Variants in MAP4K4 observed in about 807,000 individuals in gnomAD.
MAP4K4 encodes the protein mitogen-activated protein kinase kinase kinase kinase 4, also known as HPK/GCK-like kinase HGK.
Under a neutral mutation model 189.6 loss-of-function variants are expected in MAP4K4, and 38 were observed. The observed-to-expected ratio is 0.20, with a 90% CI of 0.15 to 0.26. The LOEUF (loss-of-function observed/expected upper bound fraction) is 0.26, where lower values mean the gene tolerates loss of function less well. Ranked by LOEUF, MAP4K4 falls within the 10% of genes least tolerant of loss-of-function variation. MAP4K4 has a pLI of 1.00. For missense variants in MAP4K4, 1,054 were observed against 1,726.9 expected, an observed-to-expected ratio of 0.61 and a Z score of 6.91; for synonymous variants, 610 against 624.3, an observed-to-expected ratio of 0.98 and a Z score of 0.34.
In MAP4K4 at chr2:101,824,067, T is replaced by G. The variant is rs913025406; in HGVS notation, c.306+14T>G. ...GACCAACTCTGGGTAGGTGGATGTT[T>G]CCTGAGCATTTGTGGGCATTCCATT... On this transcript the variant is annotated intron_variant, in intron 4 of 32. Transcript: ENST00000324219. 2.1e-6 allele frequency: 3 copies of G among 1,410,194 alleles called. No homozygotes were observed. In the African/African-American group the frequency reaches 4.6e-5, roughly 22 times the overall value. The allele number at this position is 1,410,194 out of a possible 1,614,324, so 87.4% of individuals were successfully genotyped here.
At chr2:101,783,209 A>G (rs2088668905) in intron 2 of MAP4K4, among the ~76,000 whole-genome samples, 1 of 102,434 alleles carries the variant, frequency 9.8e-6, no homozygotes, top group African/African-American at 1.6e-4. Context: ...TAAAATCACC[A>G]TTTTGTTGAA....
chr2:101,877,838 C>T (rs1181423582), intron 27 of MAP4K4, among the ~76,000 whole-genome samples: 1 of 152,146 alleles, frequency 6.6e-6, no homozygotes. Flanking sequence ...CAAGCTCCGT[C>T]TCCCAGGTTC....
chr2:101,762,551 G>A (rs1453594208), intron 2 of MAP4K4, among the ~76,000 whole-genome samples: 1 of 152,212 alleles, frequency 6.6e-6, no homozygotes, highest in Admixed American at 6.5e-5. Context: ...ACCATCTGCT[G>A]AGTTGTCAGC....
intron 16 of MAP4K4, among the ~76,000 whole-genome samples, chr2:101,863,516 C>G (rs72991235): frequency 4.0e-4 from 61 of 152,218 alleles, no homozygotes; most frequent in African/African-American, 1.3e-3. Context: ...CCTTTGGGCT[C>G]TGAGAGCCTC....
chr2:101,784,868 T>C (rs192390391), intron 2 of MAP4K4, among the ~76,000 whole-genome samples: 1 of 152,328 alleles, frequency 6.6e-6, no homozygotes, highest in East Asian at 1.9e-4. Context: ...GGTGTGACTC[T>C]TGAGCTTGTT....
chr2:101,728,354 A>G (rs1224322043), intron 2 of MAP4K4, among the ~76,000 whole-genome samples: 3 of 152,170 alleles, frequency 2.0e-5, no homozygotes. Flanking sequence ...TGCTGAGGCT[A>G]CTTACTGGTC....
chr2:101,882,776 T>C (rs1192497573), intron 28 of MAP4K4, 91 bp downstream of exon 28: 3 of 1,296,492 alleles, frequency 2.3e-6, no homozygotes, highest in Non-Finnish European at 3.2e-6. Flanking sequence ...TTTTGAAGTT[T>C]GTAATAATAA....
chr2:101,806,494 G>C (rs146925901), intron 3 of MAP4K4, among the ~76,000 whole-genome samples: 1,607 of 151,224 alleles, frequency 0.011, 37 homozygotes, highest in African/African-American at 0.037. Context: ...TTCTGCCTCA[G>C]CCTCCCTAGG....
At chr2:101,751,656 C>T (rs1424122313) in intron 2 of MAP4K4, among the ~76,000 whole-genome samples, 1 of 152,206 alleles carries the variant, frequency 6.6e-6, no homozygotes, top group African/African-American at 2.4e-5. Context: ...CAGACAACTC[C>T]TAAATCAGTG....
At chr2:101,881,915 T>C (rs372873391) in intron 27 of MAP4K4, among the ~76,000 whole-genome samples, 7 of 152,230 alleles carry the variant, frequency 4.6e-5, no homozygotes, top group African/African-American at 1.7e-4. Context: ...TTACTCATTT[T>C]ACTATCCATT....
intron 2 of MAP4K4, among the ~76,000 whole-genome samples, chr2:101,704,571 T>A (rs1259457791): frequency 8.6e-5 from 5 of 58,012 alleles, no homozygotes; most frequent in African/African-American, 2.5e-4. Context: ...ATATATATTT[T>A]TTTTTTTTTT....
At chr2:101,843,633 G>T (rs1576620598) in intron 11 of MAP4K4, among the ~76,000 whole-genome samples, 2 of 152,098 alleles carry the variant, frequency 1.3e-5, no homozygotes, top group African/African-American at 2.4e-5. Context: ...CGTAGGACCC[G>T]CTTGGGCTCA....
At chr2:101,805,872 T>G (rs532148550) in intron 3 of MAP4K4, among the ~76,000 whole-genome samples, 8 of 152,322 alleles carry the variant, frequency 5.3e-5, no homozygotes, top group Admixed American at 2.0e-4. Context: ...TTGGCCTGTG[T>G]CTCACTGCCG....
At chr2:101,892,877 T>TC (rs1438316991) in exon 33 of MAP4K4, 2 of 456,456 alleles carry the variant, frequency 4.4e-6, no homozygotes, top group Non-Finnish European at 8.8e-6. Context: ...GGATCAGGAC[T>TC]CCATGTCACA....
At chr2:101,779,620 C>A (rs935029830) in intron 2 of MAP4K4, among the ~76,000 whole-genome samples, 5 of 150,410 alleles carry the variant, frequency 3.3e-5, no homozygotes, top group African/African-American at 1.3e-4. Flanking sequence ...AGAGCTCTTT[C>A]TATCTCCATT....
chr2:101,785,682 C>CTTTTCCTTTTTTGAGT (rs1558913111), intron 2 of MAP4K4, among the ~76,000 whole-genome samples: 32 of 1,042 alleles, frequency 0.031, no homozygotes, highest in Middle Eastern at 0.12. Flanking sequence ...TTCTCCCTCT[C>CTTTTCCTTTTTTGAGT]TCTCTCTCTC....
At chr2:101,885,196 A>G (rs773770276) in exon 29 of MAP4K4, 1 of 1,594,286 alleles carries the variant, frequency 6.3e-7, no homozygotes, top group Non-Finnish European at 8.6e-7. Context: ...GTAAAATATG[A>G]AAGAATCAAA....
At chr2:101,843,974 T>C (rs1210145680) in intron 11 of MAP4K4, 127 bp from the exon 12 acceptor site, 2 of 631,346 alleles carry the variant, frequency 3.2e-6, no homozygotes, top group Non-Finnish European at 5.7e-6. Flanking sequence ...ATGTATTAGT[T>C]GTCTCCCTGG....
intron 6 of MAP4K4, among the ~76,000 whole-genome samples, chr2:101,831,272 G>GT (rs36076121): frequency 6.6e-6 from 1 of 151,928 alleles, no homozygotes; most frequent in Non-Finnish European, 1.5e-5. Flanking sequence ...TCAGTACTGT[G>GT]TTTTTTTTCA....
Sources: allele counts gnomAD v4.1 joint callset (sites outside exome capture counted in the v4.1 genomes callset), GRCh38; gene constraint gnomAD v4.1.1; transcripts MANE v1.5; gene names NCBI Gene and HGNC (gene_info 2026-07-23, HGNC 2026-07-21).